The following UPF2 variants were observed in gnomAD, a reference collection of about 807,000 sequenced individuals.
The protein encoded by UPF2 is regulator of nonsense transcripts 2.
A neutral mutation model predicts 141.4 loss-of-function variants in UPF2; 17 were observed. The observed-to-expected ratio is 0.12, with a 90% CI of 0.08 to 0.18. The LOEUF (loss-of-function observed/expected upper bound fraction) is 0.18, where lower values mean the gene tolerates loss of function less well. Among genes scored for constraint, UPF2 ranks in the 10% least tolerant of loss-of-function variants. The pLI is 1.00. For synonymous variants in UPF2, 540 were observed against 498.0 expected, an observed-to-expected ratio of 1.08 and a Z score of -1.12; for missense variants, 1,152 against 1,515.9, an observed-to-expected ratio of 0.76 and a Z score of 3.99.
At position 12,014,041 on chromosome 10, in the gene UPF2, T is replaced by A; in HGVS notation, c.1289A>T (p.Asp430Val). 1.3e-6 allele frequency: 2 copies of A among 1,571,212 alleles called. No homozygotes were observed. Among genetic ancestry groups the A allele is most frequent in the Non-Finnish European group, 1.7e-6 (2 of 1,158,070 alleles). ...LDENMPDLPQ[D>V]KPTPEEHGPG... ...TCTCTTACCTTCTGGTGTTGGTTTG[T>A]CTTGAGGAAGATCTGGCATATTTTC... The change falls in exon 4 of 22, where the codon GAC becomes GTC. Residue 430 changes from aspartate to valine, a missense_variant. Asp to Val is a radical substitution (Grantham distance 152). Coordinates refer to ENST00000357604, the MANE Select transcript of UPF2 (RefSeq NM_015542.4). The surrounding 1 kb of genome is among the most constrained non-coding windows in gnomAD (Gnocchi z 5.0).
At chr10:12,009,182 G>T (rs1353183264) in intron 4 of UPF2, among the ~76,000 whole-genome samples, 3 of 152,076 alleles carry the variant, frequency 2.0e-5, no homozygotes, top group East Asian at 3.9e-4. Context: ...TTTAACCCAA[G>T]AATTCTACTT....
chr10:11,978,658 C>T (rs546555753), intron 9 of UPF2, among the ~76,000 whole-genome samples: 4 of 152,246 alleles, frequency 2.6e-5, no homozygotes, highest in Admixed American at 2.0e-4. Flanking sequence ...AACTTGCAGA[C>T]GCCACACATT....
chr10:11,963,990 A>G lies in UPF2; in HGVS notation c.2184+19T>C. On this transcript the variant is annotated intron_variant, in intron 11 of 21. Transcript: ENST00000357604. ...AAATCAAGAACCTCTAGCTCTTACCAGCATCCTCAAGCCCTTACCAAAAGT... is the reference window on the plus strand; with the variant it reads ...AAATCAAGAACCTCTAGCTCTTACCGGCATCCTCAAGCCCTTACCAAAAGT... 1 of 1,570,622 alleles carries G rather than the reference A, an allele frequency of 6.4e-7. No individual in the cohort carries two copies. Among genetic ancestry groups the G allele is most frequent in the South Asian group, 1.1e-5 (1 of 88,780 alleles).
In UPF2 at chr10:11,931,533, C is replaced by T. The variant is rs1832781723; in HGVS notation, c.3688+108G>A. On this transcript the variant is annotated intron_variant, in intron 20 of 21. Transcript: ENST00000357604. This position sits in a 1 kb window ranked among gnomAD's most constrained non-coding sequence, Gnocchi z 5.9. ...AAACAGTGGGATACAAAATGAATTT[C>T]TCAGCATAAATATGGAAAAATATGA... The T allele has an allele frequency of 4.2e-6, 5 of 1,180,102 alleles. No individual in the cohort carries two copies. The South Asian group carries it at 1.1e-4, about 25-fold the overall frequency. 73.1% of individuals were successfully genotyped at this position (1,180,102 alleles called of 1,614,324 possible). A position where few individuals can be genotyped will look rare whatever the true frequency, so the allele number is the denominator to read the frequency against.
At chr10:11,955,850 G>C (rs1199276260) in intron 13 of UPF2, among the ~76,000 whole-genome samples, 1 of 152,092 alleles carries the variant, frequency 6.6e-6, no homozygotes, top group Admixed American at 6.6e-5. Context: ...TACAGTAAGA[G>C]GAAACTGTTA....
intron 10 of UPF2, among the ~76,000 whole-genome samples, chr10:11,966,678 C>A (rs529206501): frequency 1.3e-5 from 2 of 152,362 alleles, no homozygotes; most frequent in South Asian, 4.1e-4. Context: ...CCTGCCTCAG[C>A]CTCCCAAAGT....
intron 15 of UPF2, 126 bp downstream of exon 15, chr10:11,951,940 C>T (rs1190473774): frequency 7.2e-6 from 7 of 970,324 alleles, no homozygotes; most frequent in Non-Finnish European, 1.1e-5. Flanking sequence ...AACACTACTA[C>T]GTAACACTCA....
intron 11 of UPF2, among the ~76,000 whole-genome samples, chr10:11,961,119 C>G (rs150142827): frequency 3.8e-4 from 57 of 151,042 alleles, no homozygotes; most frequent in African/African-American, 1.3e-3. Flanking sequence ...TTACTTGGTA[C>G]TTATTAGTGT....
At chr10:12,039,740 C>T (rs1204167139) in intron 1 of UPF2, among the ~76,000 whole-genome samples, 1 of 151,930 alleles carries the variant, frequency 6.6e-6, no homozygotes, top group African/African-American at 2.4e-5. Context: ...CCTGCCTCAG[C>T]CTCCCGAGTA....
intron 3 of UPF2, among the ~76,000 whole-genome samples, chr10:12,015,468 G>C (rs1045649244): frequency 6.6e-6 from 1 of 152,200 alleles, no homozygotes; most frequent in African/African-American, 2.4e-5. Context: ...CTGGGAGGAC[G>C]AGGCAGGCGG....
Position 11,920,965 on chromosome 10 carries a change from C to G in UPF2, c.*333G>C. On this transcript the variant is annotated 3_prime_UTR_variant, in exon 22 of 22. Transcript: ENST00000357604. The stretch of plus-strand genomic sequence containing the variant: ...CCATCACAACCCGTTTCTTCTCTGG[C>G]TCAATCATCTCCTTCACGCTCTCCT... 1.7e-6 allele frequency: 1 copy of G among 577,550 alleles called. No individual in the cohort carries two copies. Among genetic ancestry groups the G allele is most frequent in the Non-Finnish European group, 3.5e-6 (1 of 289,692 alleles). 35.8% of individuals were successfully genotyped at this position (577,550 alleles called of 1,614,324 possible). A position where few individuals can be genotyped will look rare whatever the true frequency, so the allele number is the denominator to read the frequency against.
chr10:11,994,845 A>G lies in UPF2; in HGVS notation c.1844+2827T>C, dbSNP rs527981114. Among the ~76,000 whole-genome samples, 624 of 151,698 alleles carry G rather than the reference A, an allele frequency of 4.1e-3. 5 individuals are homozygous for G. Among genetic ancestry groups the G allele is most frequent in the Non-Finnish European group, 5.5e-3 (371 of 67,886 alleles). On this transcript the variant is annotated intron_variant, in intron 8 of 21. Coordinates refer to ENST00000357604, the MANE Select transcript of UPF2 (RefSeq NM_015542.4). Reference sequence around the variant, plus strand: ...CAAAAAATTAGCCGGGCGTGGTGGCAGGCGCCTGTAGTCCCAGCTACTTGG... The same window carrying G: ...CAAAAAATTAGCCGGGCGTGGTGGCGGGCGCCTGTAGTCCCAGCTACTTGG...
chr10:11,950,160 A>T (rs1283274728), intron 15 of UPF2, among the ~76,000 whole-genome samples: 1 of 152,214 alleles, frequency 6.6e-6, no homozygotes, highest in African/African-American at 2.4e-5. Flanking sequence ...TTTAAAAATT[A>T]CTGTCATGAA....
intron 9 of UPF2, among the ~76,000 whole-genome samples, chr10:11,969,318 C>T (rs544166834): frequency 2.0e-5 from 3 of 148,676 alleles, no homozygotes; most frequent in African/African-American, 5.0e-5. Flanking sequence ...TACAGGCGCC[C>T]GCCACCATGC....
At chr10:11,958,122 G>A (rs891064903) in intron 12 of UPF2, among the ~76,000 whole-genome samples, 1 of 152,190 alleles carries the variant, frequency 6.6e-6, no homozygotes, top group Non-Finnish European at 1.5e-5. Context: ...GGCTGAGGCA[G>A]GAGGAGGATT....
chr10:11,996,636 G>C (rs778927662), intron 8 of UPF2, among the ~76,000 whole-genome samples: 17 of 152,164 alleles, frequency 1.1e-4, no homozygotes, highest in Non-Finnish European at 2.5e-4. Context: ...GAGCCACCGC[G>C]CCTGGCCTGA....
chr10:12,018,734 AGAGT>A (rs756001467), intron 3 of UPF2, among the ~76,000 whole-genome samples: 287 of 152,302 alleles, frequency 1.9e-3, no homozygotes, highest in Non-Finnish European at 3.2e-3. Flanking sequence ...CCTGGGTGAC[AGAGT>A]GAGACCCTGC....
chr10:12,032,207 T>C (rs1272079889), intron 2 of UPF2, among the ~76,000 whole-genome samples: 1 of 150,776 alleles, frequency 6.6e-6, no homozygotes, highest in Non-Finnish European at 1.5e-5. Context: ...GGCAGGAGAA[T>C]GGCTTGAACC....
At chr10:11,932,645 C>T (rs1000378096) in intron 19 of UPF2, among the ~76,000 whole-genome samples, 1 of 152,174 alleles carries the variant, frequency 6.6e-6, no homozygotes, top group African/African-American at 2.4e-5. Flanking sequence ...ACTGCCTTTA[C>T]TGCAGAGCTG....
Sources: gnomAD v4.1 joint callset for allele counts (sites outside exome capture counted in the v4.1 genomes callset) on GRCh38, gnomAD v4.1.1 for gene constraint, Gnocchi (gnomAD v3.1) non-coding constraint, MANE v1.5 for transcripts, NCBI Gene and HGNC (gene_info 2026-07-23, HGNC 2026-07-21) for gene names.